Variants in SMURF2 observed in about 807,000 individuals in gnomAD.
SMURF2 encodes the protein E3 ubiquitin-protein ligase SMURF2.
A neutral mutation model predicts 109.6 loss-of-function variants in SMURF2; 48 were observed. The observed-to-expected ratio is 0.44, with a 90% CI of 0.35 to 0.56. SMURF2 has a LOEUF of 0.56. Among genes scored for constraint, SMURF2 ranks in the 20% least tolerant of loss-of-function variants. The probability of loss-of-function intolerance (pLI) is 0.01; values close to 1 mark genes in which losing one functional copy is unlikely to be tolerated. For missense variants in SMURF2, 575 were observed against 909.0 expected (o/e 0.63, Z 4.72); for synonymous variants, 288 against 317.1 (o/e 0.91, Z 0.97).
chr17:64,646,996 C>T (rs1278085114), intron 1 of SMURF2, among the ~76,000 whole-genome samples: 1 of 152,198 alleles, frequency 6.6e-6, no homozygotes, highest in Non-Finnish European at 1.5e-5. Flanking sequence ...TTCACCCTTA[C>T]TGCATACACC....
At chr17:64,638,213 G>A (rs1970449135) in intron 1 of SMURF2, among the ~76,000 whole-genome samples, 1 of 151,876 alleles carries the variant, frequency 6.6e-6, no homozygotes, top group Non-Finnish European at 1.5e-5. Context: ...TTACAGGCAT[G>A]TGCCACCAAG....
chr17:64,659,945 C>T (rs1257067814), intron 1 of SMURF2, among the ~76,000 whole-genome samples: 3 of 152,130 alleles, frequency 2.0e-5, no homozygotes, highest in Admixed American at 6.6e-5. Context: ...ACTGTTTTTA[C>T]TATTAAGAGG....
intron 1 of SMURF2, among the ~76,000 whole-genome samples, chr17:64,641,688 C>T (rs1970494825): frequency 6.6e-6 from 1 of 152,006 alleles, no homozygotes; most frequent in Non-Finnish European, 1.5e-5. Flanking sequence ...TCTGACATGA[C>T]CTGAAGTGAG....
At chr17:64,658,995 C>G (rs1970739014) in intron 1 of SMURF2, among the ~76,000 whole-genome samples, 1 of 152,186 alleles carries the variant, frequency 6.6e-6, no homozygotes, top group Non-Finnish European at 1.5e-5. Context: ...AATTTGGGAT[C>G]AAATTATTAA....
intron 13 of SMURF2, among the ~76,000 whole-genome samples, chr17:64,556,796 C>A (rs1007322540): frequency 6.6e-6 from 1 of 152,108 alleles, no homozygotes; most frequent in Non-Finnish European, 1.5e-5. Flanking sequence ...TTTTTAAATT[C>A]TTTTACCTCT....
rs575238773 is a variant in SMURF2 at position 64,591,003 on chromosome 17, T to C, written c.400+81A>G. The C allele has an allele frequency of 1.1e-5, 11 of 1,011,644 alleles. No homozygotes were observed. In the East Asian group the frequency reaches 2.3e-4, roughly 21 times the overall value. The allele number at this position is 1,011,644 out of a possible 1,614,324, so 62.7% of individuals were successfully genotyped here. On this transcript the variant is annotated intron_variant, in intron 5 of 18. Transcript: ENST00000262435. ...GGCCAACACAATGAAGCTACAGTTA[T>C]TATACTTTGATTTAAAAGGTATTTT...
intron 2 of SMURF2, 136 bp from the exon 3 acceptor site, chr17:64,598,626 CATT>C: frequency 1.7e-6 from 1 of 603,664 alleles, no homozygotes; most frequent in Non-Finnish European, 2.6e-6. Flanking sequence ...ATGAATAGTC[CATT>C]TTTTAAAAAA....
chr17:64,554,940 G>C lies in SMURF2; in HGVS notation c.1664C>G (p.Ala555Gly). The part of the protein sequence containing the change: ...LDHTFCVEHN[A>G]YGEIIQHELK... ...TTCATGCTGAATAATTTCACCATAT[G>C]CATTATGTTCAACACAGAAGGTATG... Residue 555 changes from alanine (A) to glycine (G), a missense_variant, in exon 15 of 19, where the codon GCA becomes GGA. By Grantham distance (60) the Ala-to-Gly change is moderately conservative. This residue lies in a region of SMURF2 where 361 missense variants were observed against 612.1 expected (regional missense o/e 0.59). Coordinates refer to ENST00000262435, the MANE Select transcript of SMURF2 (RefSeq NM_022739.4). 1 of 1,612,530 alleles carries C rather than the reference G, an allele frequency of 6.2e-7. No individual in the cohort carries two copies. Among genetic ancestry groups the C allele is most frequent in the Non-Finnish European group, 8.5e-7 (1 of 1,178,770 alleles).
intron 1 of SMURF2, among the ~76,000 whole-genome samples, chr17:64,630,899 T>G (rs1348273570): frequency 6.6e-6 from 1 of 152,042 alleles, no homozygotes; most frequent in Non-Finnish European, 1.5e-5. Flanking sequence ...ATTAGTCAAA[T>G]GCAGTGGTAA....
chr17:64,632,788 C>CT, intron 1 of SMURF2, among the ~76,000 whole-genome samples: 1 of 152,168 alleles, frequency 6.6e-6, no homozygotes, highest in East Asian at 1.9e-4. Flanking sequence ...GCTTCCCACG[C>CT]TTAAGAGAAG....
At chr17:64,629,577 C>T (rs1343917363) in intron 1 of SMURF2, among the ~76,000 whole-genome samples, 2 of 152,164 alleles carry the variant, frequency 1.3e-5, no homozygotes, top group African/African-American at 2.4e-5. Context: ...AAGTAGATTA[C>T]ACCAAAATCC....
chr17:64,583,810 A>T (rs1555686814), intron 6 of SMURF2, among the ~76,000 whole-genome samples: 1 of 152,192 alleles, frequency 6.6e-6, no homozygotes, highest in Non-Finnish European at 1.5e-5. Context: ...AACAATACAC[A>T]ATTAAATTCA....
intron 11 of SMURF2, among the ~76,000 whole-genome samples, chr17:64,562,570 G>C (rs1555684623): frequency 6.6e-6 from 1 of 151,592 alleles, no homozygotes; most frequent in Non-Finnish European, 1.5e-5. Context: ...GTAGAGATGG[G>C]GTTTCTCCAT....
Position 64,557,482 on chromosome 17 carries a change from G to C in SMURF2, c.1431+126C>G, listed in dbSNP as rs1969139098. 24 of 642,868 alleles carry C rather than the reference G, an allele frequency of 3.7e-5. No homozygotes were observed. The South Asian group carries it at 4.6e-4, about 12-fold the overall frequency. 39.8% of individuals were successfully genotyped at this position (642,868 alleles called of 1,614,324 possible). On this transcript the variant is annotated intron_variant, in intron 13 of 18. Coordinates refer to ENST00000262435, the MANE Select transcript of SMURF2 (RefSeq NM_022739.4). ...TCTGCTTGGGAAAATTTTATAGAAG[G>C]GGAATTGCTGAGTCAAAGGGCACAA...
chr17:64,616,475 C>G (rs1175087608), intron 1 of SMURF2, among the ~76,000 whole-genome samples: 3 of 151,576 alleles, frequency 2.0e-5, no homozygotes, highest in Admixed American at 2.0e-4. Context: ...ATAGTGAAAC[C>G]CTGTCTCTTC....
chr17:64,602,939 A>AT (rs563606811), intron 2 of SMURF2, among the ~76,000 whole-genome samples: 4 of 151,254 alleles, frequency 2.6e-5, no homozygotes, highest in Non-Finnish European at 4.4e-5. Context: ...GAAAAAAAAA[A>AT]TTTTTTTTTG....
chr17:64,642,040 C>T (rs1310919971), intron 1 of SMURF2, among the ~76,000 whole-genome samples: 1 of 152,240 alleles, frequency 6.6e-6, no homozygotes, highest in Non-Finnish European at 1.5e-5. Flanking sequence ...CTCCTGAGCT[C>T]AGGCAATCTG....
In SMURF2 at chr17:64,608,110, C is replaced by T. The variant is rs73333957; in HGVS notation, c.53-1470G>A. On this transcript the variant is annotated intron_variant, in intron 1 of 18. Coordinates refer to ENST00000262435, the MANE Select transcript of SMURF2 (RefSeq NM_022739.4). ...AAACTTGATACAAGAGAAAGAAAAACATCAATTTTCATATATGTAAATTTT... is the reference window on the plus strand; with the variant it reads ...AAACTTGATACAAGAGAAAGAAAAATATCAATTTTCATATATGTAAATTTT... 2.1e-3 allele frequency among the ~76,000 whole-genome samples: 324 copies of T among 151,684 alleles called. 1 individual carries two copies. The highest frequency in any genetic ancestry group is 7.5e-3 in the African/African-American group (309 of 41,410).
intron 10 of SMURF2, among the ~76,000 whole-genome samples, chr17:64,568,245 C>T (rs1969344505): frequency 6.6e-6 from 1 of 152,210 alleles, no homozygotes; most frequent in Non-Finnish European, 1.5e-5. Flanking sequence ...CCGCCTCAGC[C>T]TCCCAAAGTG....
Sources: allele counts gnomAD v4.1 joint callset (sites outside exome capture counted in the v4.1 genomes callset), GRCh38; gene constraint gnomAD v4.1.1; regional missense constraint gnomAD v4.1.1; transcripts MANE v1.5; gene names NCBI Gene and HGNC (gene_info 2026-07-23, HGNC 2026-07-21).